The following EHBP1 variants were observed in gnomAD, a reference collection of about 807,000 sequenced individuals.
EHBP1 encodes EH domain binding protein 1.
A neutral mutation model predicts 144.0 loss-of-function variants in EHBP1; 55 were observed. The observed-to-expected ratio is 0.38, with a 90% CI of 0.31 to 0.48. EHBP1 has a LOEUF of 0.48. Ranked by LOEUF, EHBP1 falls within the 20% of genes least tolerant of loss-of-function variation. The probability of loss-of-function intolerance (pLI) is 0.98; values close to 1 mark genes in which losing one functional copy is unlikely to be tolerated. For missense variants in EHBP1, 1,200 were observed against 1,364.2 expected (o/e 0.88, Z 1.90); for synonymous variants, 469 against 472.7 (o/e 0.99, Z 0.10).
At chr2:62,677,115 G>A (rs1006295396) in intron 1 of EHBP1, among the ~76,000 whole-genome samples, 1 of 152,188 alleles carries the variant, frequency 6.6e-6, no homozygotes, top group Admixed American at 6.6e-5. Context: ...AAGATCACTT[G>A]AACTGGGGAG....
intron 2 of EHBP1, among the ~76,000 whole-genome samples, chr2:62,741,570 G>C (rs1412335263): frequency 6.6e-6 from 1 of 151,966 alleles, no homozygotes; most frequent in East Asian, 1.9e-4. Flanking sequence ...TTGTTTCTTT[G>C]TTTGTTTTTT....
At chr2:63,004,364 A>G (rs1320457089) in intron 19 of EHBP1, among the ~76,000 whole-genome samples, 1 of 152,068 alleles carries the variant, frequency 6.6e-6, no homozygotes, top group Non-Finnish European at 1.5e-5. Context: ...TCTTAAGAAA[A>G]TGACATGTCA....
At chr2:62,837,580 G>A (rs1268683294) in intron 7 of EHBP1, among the ~76,000 whole-genome samples, 1 of 151,392 alleles carries the variant, frequency 6.6e-6, no homozygotes, top group Admixed American at 6.6e-5. Flanking sequence ...TCAGTGTGCT[G>A]TATTCAGGAA....
chr2:62,692,186 C>T (rs2033929213), intron 1 of EHBP1, among the ~76,000 whole-genome samples: 1 of 152,134 alleles, frequency 6.6e-6, no homozygotes, highest in Non-Finnish European at 1.5e-5. Flanking sequence ...AAGGTTCATC[C>T]ATGTTATAGC....
At chr2:62,734,447 T>C (rs752890050) in intron 2 of EHBP1, among the ~76,000 whole-genome samples, 9 of 151,680 alleles carry the variant, frequency 5.9e-5, no homozygotes, top group Non-Finnish European at 1.2e-4. Flanking sequence ...TAATTCATTG[T>C]AGATTGTTTC....
chr2:62,947,994 C>A (rs960101250), intron 12 of EHBP1, among the ~76,000 whole-genome samples: 4 of 152,026 alleles, frequency 2.6e-5, no homozygotes, highest in Non-Finnish European at 5.9e-5. Context: ...CTTAAAAATC[C>A]ATTCTCAGAG....
At chr2:62,734,172 CTTTG>C (rs2037881028) in intron 2 of EHBP1, among the ~76,000 whole-genome samples, 1 of 151,126 alleles carries the variant, frequency 6.6e-6, no homozygotes, top group African/African-American at 2.4e-5. Flanking sequence ...TAATGTATAA[CTTTG>C]TTTATGTTGT....
rs138202829 is a variant in EHBP1 at position 62,834,473 on chromosome 2, A to T, written c.634+3315A>T. On this transcript the variant is annotated intron_variant, in intron 7 of 22. Coordinates refer to ENST00000431489, the MANE Select transcript of EHBP1 (RefSeq NM_001142616.3). ...GCATCAAGGTAGACCCACCAACACC[A>T]AAAAGATTATCACTTACTGAAGGCT... Among the ~76,000 whole-genome samples the T allele has an allele frequency of 7.2e-5, 11 of 152,374 alleles. No individual in the cohort carries two copies. The South Asian group carries it at 2.3e-3, about 32-fold the overall frequency.
At chr2:62,690,195 G>T (rs926189750) in intron 1 of EHBP1, among the ~76,000 whole-genome samples, 1 of 152,156 alleles carries the variant, frequency 6.6e-6, no homozygotes, top group Non-Finnish European at 1.5e-5. Context: ...TGCCTCCTTG[G>T]GGGTAGCAGA....
intron 1 of EHBP1, among the ~76,000 whole-genome samples, chr2:62,686,241 G>A (rs1481159652): frequency 6.6e-6 from 1 of 152,174 alleles, no homozygotes; most frequent in East Asian, 1.9e-4. Flanking sequence ...GGGCAGACAA[G>A]AATAACATGC....
At chr2:62,791,206 T>G (rs894610354) in intron 5 of EHBP1, among the ~76,000 whole-genome samples, 3 of 152,066 alleles carry the variant, frequency 2.0e-5, no homozygotes, top group African/African-American at 7.2e-5. Context: ...TACATGTATG[T>G]GATAACATGC....
intron 6 of EHBP1, 96 bp from the exon 7 acceptor site, chr2:62,830,923 C>A: frequency 7.6e-7 from 1 of 1,313,380 alleles, no homozygotes; most frequent in East Asian, 2.5e-5. Context: ...ATTGACATAC[C>A]TTATAGAAAG....
intron 19 of EHBP1, among the ~76,000 whole-genome samples, chr2:63,007,765 A>G (rs939200510): frequency 6.6e-6 from 1 of 151,738 alleles, no homozygotes; most frequent in Non-Finnish European, 1.5e-5. Context: ...CTTGAAAATT[A>G]TTTTTTCTAA....
chr2:62,740,896 C>T (rs2038640517), intron 2 of EHBP1, among the ~76,000 whole-genome samples: 1 of 152,018 alleles, frequency 6.6e-6, no homozygotes, highest in South Asian at 2.1e-4. Flanking sequence ...GAAATGTAAG[C>T]TTTTACAAGA....
At chr2:63,036,187 TTAAA>T (rs1159606552) in intron 19 of EHBP1, among the ~76,000 whole-genome samples, 8 of 152,056 alleles carry the variant, frequency 5.3e-5, no homozygotes, top group African/African-American at 1.2e-4. Context: ...GTAGAAATAC[TTAAA>T]TAAATTATGG....
chr2:62,755,719 A>G (rs1413443210), intron 3 of EHBP1, among the ~76,000 whole-genome samples: 2 of 152,196 alleles, frequency 1.3e-5, no homozygotes, highest in Non-Finnish European at 2.9e-5. Context: ...TTAAAAAGAA[A>G]CATAACATTT....
At chr2:62,909,303 C>T (rs2054023752) in intron 10 of EHBP1, among the ~76,000 whole-genome samples, 1 of 152,138 alleles carries the variant, frequency 6.6e-6, no homozygotes, top group Non-Finnish European at 1.5e-5. Context: ...CCACCTCAGC[C>T]TCCCGAGTAG....
chr2:62,820,705 C>T (rs2045882340), intron 5 of EHBP1, among the ~76,000 whole-genome samples: 2 of 118,352 alleles, frequency 1.7e-5, no homozygotes, highest in African/African-American at 3.3e-5. Context: ...AATAGTATTC[C>T]ATTGGGTGTG....
At chr2:62,997,427 CATGTGTGTGTGTGTGT>C (rs1411163620) in intron 19 of EHBP1, among the ~76,000 whole-genome samples, 26 of 139,980 alleles carry the variant, frequency 1.9e-4, no homozygotes, top group South Asian at 4.8e-4. Flanking sequence ...GAAAGGAACT[CATGTGTGTGTGTGTGT>C]GTGTGTGTGT....
Sources: allele counts gnomAD v4.1 joint callset (sites outside exome capture counted in the v4.1 genomes callset), GRCh38; gene constraint gnomAD v4.1.1; transcripts MANE v1.5; gene names NCBI Gene and HGNC (gene_info 2026-07-23, HGNC 2026-07-21).